TDRD7: variants seen among roughly 807,000 people sequenced by gnomAD.
TDRD7 encodes the protein tudor domain containing 7.
A neutral mutation model predicts 109.8 loss-of-function variants in TDRD7; 47 were observed. The observed-to-expected ratio is 0.43, with a 90% CI of 0.34 to 0.55. TDRD7 has a LOEUF of 0.55. Ranked by LOEUF, TDRD7 falls within the 20% of genes least tolerant of loss-of-function variation. The probability of loss-of-function intolerance (pLI) is 0.03; values close to 1 mark genes in which losing one functional copy is unlikely to be tolerated. For missense variants in TDRD7, 1,164 were observed against 1,319.2 expected, an observed-to-expected ratio of 0.88 and a Z score of 1.82; for synonymous variants, 424 against 457.3, an observed-to-expected ratio of 0.93 and a Z score of 0.93.
At chr9:97,478,026 G>C (rs1158464876) in intron 12 of TDRD7, among the ~76,000 whole-genome samples, 3 of 152,112 alleles carry the variant, frequency 2.0e-5, no homozygotes, top group African/African-American at 7.2e-5. Context: ...GGGAGGCCAA[G>C]GTGGGTGGAT....
At chr9:97,457,603 C>T (rs1384757642) in intron 6 of TDRD7, among the ~76,000 whole-genome samples, 1 of 152,150 alleles carries the variant, frequency 6.6e-6, no homozygotes, top group African/African-American at 2.4e-5. Flanking sequence ...TGGTCTCGAA[C>T]TCCTGACCTC....
chr9:97,436,199 T>A (rs1343243249), intron 4 of TDRD7, among the ~76,000 whole-genome samples: 1 of 152,204 alleles, frequency 6.6e-6, no homozygotes, highest in Non-Finnish European at 1.5e-5. Flanking sequence ...CTAAACAGAT[T>A]ATAATAATTT....
chr9:97,432,544 A>T (rs1295310262), intron 4 of TDRD7, among the ~76,000 whole-genome samples: 2 of 152,080 alleles, frequency 1.3e-5, no homozygotes, highest in Non-Finnish European at 2.9e-5. Context: ...TTTTTTAACG[A>T]TTTTGTGGGT....
chr9:97,492,203 G>A (rs1829320114), intron 16 of TDRD7, among the ~76,000 whole-genome samples: 1 of 152,174 alleles, frequency 6.6e-6, no homozygotes, highest in Non-Finnish European at 1.5e-5. Context: ...CTTATTAGGA[G>A]GCAGTAGCAA....
intron 5 of TDRD7, among the ~76,000 whole-genome samples, chr9:97,439,910 C>T (rs2118355130): frequency 6.6e-6 from 1 of 152,284 alleles, no homozygotes; most frequent in African/African-American, 2.4e-5. Context: ...TCTTCTCCAA[C>T]CAATGTGTAA....
At chr9:97,439,343 AT>A in intron 5 of TDRD7, 25 bp downstream of exon 5, 1 of 1,583,780 alleles carries the variant, frequency 6.3e-7, no homozygotes, top group Admixed American at 1.7e-5. Flanking sequence ...CATTTTTGAG[AT>A]ACATATTGGC....
intron 2 of TDRD7, among the ~76,000 whole-genome samples, chr9:97,429,698 C>G (rs1355443375): frequency 6.6e-6 from 1 of 152,188 alleles, no homozygotes; most frequent in Non-Finnish European, 1.5e-5. Flanking sequence ...TCCTTTCTGT[C>G]TACTTGCACC....
At chr9:97,426,182 G>A (rs1827991260) in intron 1 of TDRD7, among the ~76,000 whole-genome samples, 1 of 152,132 alleles carries the variant, frequency 6.6e-6, no homozygotes, top group Admixed American at 6.5e-5. Context: ...GGACATTACT[G>A]TACACTACTG....
intron 6 of TDRD7, among the ~76,000 whole-genome samples, chr9:97,448,810 G>GA (rs1274186549): frequency 6.6e-6 from 1 of 152,114 alleles, no homozygotes; most frequent in East Asian, 1.9e-4. Context: ...CTACCCTGTG[G>GA]AAACAAAACT....
At chr9:97,478,341 T>G (rs1393717913) in intron 12 of TDRD7, 98 bp from the exon 13 acceptor site, 7 of 1,373,560 alleles carry the variant, frequency 5.1e-6, no homozygotes, top group Non-Finnish European at 6.2e-6. Context: ...GTCTGTTCCT[T>G]TTAATATGCA....
intron 1 of TDRD7, among the ~76,000 whole-genome samples, chr9:97,426,368 C>T (rs753606306): frequency 6.6e-6 from 1 of 152,232 alleles, no homozygotes; most frequent in African/African-American, 2.4e-5. Flanking sequence ...CCTCCCACCA[C>T]AGCCTCCTGA....
rs115297535 is a variant in TDRD7 at position 97,472,420 on chromosome 9, A to G, written c.1869A>G (p.Ser623=). ...CACTTGTTGTTCTGTACGATACCTC[A>G]GGAGAAGATGATATCAATATCAATG... is the stretch of plus-strand genomic sequence containing the variant. The part of the protein sequence containing the change: ...DIPLVVLYDT[S]GEDDININAT... Residue 623 remains serine, a synonymous_variant, in exon 10 of 17, where the codon TCA becomes TCG. Coordinates refer to ENST00000355295, the MANE Select transcript of TDRD7 (RefSeq NM_014290.3). The G allele has an allele frequency of 1.5e-3, 2,435 of 1,613,968 alleles. 33 individuals carry two copies. The African/African-American group carries it at 0.028, about 18-fold the overall frequency.
At chr9:97,446,690 C>G (rs1828406789) in intron 6 of TDRD7, among the ~76,000 whole-genome samples, 1 of 152,158 alleles carries the variant, frequency 6.6e-6, no homozygotes, top group African/African-American at 2.4e-5. Context: ...GTTTCTGTCA[C>G]TTACATAGAG....
Position 97,412,845 on chromosome 9 carries a change from G to A in TDRD7, c.-7+607G>A, listed in dbSNP as rs571960012. Among the ~76,000 whole-genome samples, 78 of 152,350 alleles carry A rather than the reference G, an allele frequency of 5.1e-4. No individual in the cohort carries two copies. The highest frequency in any genetic ancestry group is 3.0e-3 in the Admixed American group (46 of 15,310). ...CTGGGAGGGAAACATGGATCCGTGA[G>A]TAAGTTGTCTCTCAACTTTCAGTAG... On this transcript the variant is annotated intron_variant, in intron 1 of 16. Coordinates refer to ENST00000355295, the MANE Select transcript of TDRD7 (RefSeq NM_014290.3). This position sits in a 1 kb window ranked among gnomAD's most constrained non-coding sequence, Gnocchi z 4.3.
intron 4 of TDRD7, among the ~76,000 whole-genome samples, chr9:97,433,251 A>T (rs1288326573): frequency 6.6e-6 from 1 of 151,924 alleles, no homozygotes; most frequent in Non-Finnish European, 1.5e-5. Context: ...GTTGGTACTA[A>T]TTTTTTATAT....
At chr9:97,429,767 C>T (rs1308442965) in intron 2 of TDRD7, among the ~76,000 whole-genome samples, 1 of 152,122 alleles carries the variant, frequency 6.6e-6, no homozygotes, top group East Asian at 1.9e-4. Flanking sequence ...TCTTGCTTCT[C>T]TCTTTTTCCT....
rs564092942 is a variant in TDRD7 at position 97,483,502 on chromosome 9, T to A, written c.2915+151T>A. 3.5e-5 allele frequency: 33 copies of A among 936,396 alleles called. 1 individual carries two copies. The African/African-American group carries it at 3.6e-4, about 10-fold the overall frequency. 58.0% of individuals were successfully genotyped at this position (936,396 alleles called of 1,614,324 possible). On this transcript the variant is annotated intron_variant, in intron 15 of 16. Transcript: ENST00000355295. Reference sequence around the variant, plus strand: ...CAGTAATTTTTCCGATTTTCTAGTATTTAAAATGATGTCACTTATCAAAAA... The same window carrying A: ...CAGTAATTTTTCCGATTTTCTAGTAATTAAAATGATGTCACTTATCAAAAA...
At chr9:97,488,999 G>A (rs1829258839) in intron 16 of TDRD7, among the ~76,000 whole-genome samples, 1 of 152,160 alleles carries the variant, frequency 6.6e-6, no homozygotes, top group Non-Finnish European at 1.5e-5. Flanking sequence ...TAATTCCATT[G>A]TGGTCTGAGG....
Position 97,495,944 on chromosome 9 carries a change from G to C in TDRD7, c.*61G>C. 7.1e-7 allele frequency: 1 copy of C among 1,404,684 alleles called. No individual in the cohort carries two copies. Among genetic ancestry groups the C allele is most frequent in the Non-Finnish European group, 1.0e-6 (1 of 992,462 alleles). 87.0% of individuals were successfully genotyped at this position (1,404,684 alleles called of 1,614,324 possible). A position where few individuals can be genotyped will look rare whatever the true frequency, so the allele number is the denominator to read the frequency against. On this transcript the variant is annotated 3_prime_UTR_variant, in exon 17 of 17. Coordinates refer to ENST00000355295, the MANE Select transcript of TDRD7 (RefSeq NM_014290.3). Reference sequence around the variant, plus strand: ...TTTTTAGCAATAACAAAATGTAGTAGGCTTAAAAAAAATCTTAACTCTGCT... The same window carrying C: ...TTTTTAGCAATAACAAAATGTAGTACGCTTAAAAAAAATCTTAACTCTGCT...
Sources: allele counts gnomAD v4.1 joint callset (sites outside exome capture counted in the v4.1 genomes callset), GRCh38; gene constraint gnomAD v4.1.1; non-coding constraint Gnocchi (gnomAD v3.1); transcripts MANE v1.5; gene names NCBI Gene and HGNC (gene_info 2026-07-23, HGNC 2026-07-21).